Variants in PTPRA observed in about 807,000 individuals in gnomAD.
The protein encoded by PTPRA is receptor-type tyrosine-protein phosphatase alpha.
Under a neutral mutation model 104.8 loss-of-function variants are expected in PTPRA, and 25 were observed. The ratio of observed to expected loss-of-function variants is 0.24; its 90% CI spans 0.17 to 0.33. The LOEUF is 0.33. PTPRA is among the 10% of genes least tolerant of loss of function. The pLI, the probability that PTPRA is intolerant of heterozygous loss-of-function variation, is 1.00. For missense variants in PTPRA, 765 were observed against 1,015.3 expected, an observed-to-expected ratio of 0.75 and a Z score of 3.35; for synonymous variants, 323 against 368.9, an observed-to-expected ratio of 0.88 and a Z score of 1.43.
At chr20:2,866,171 G>A in the PTPRA span, 18 of 1,572,834 alleles carry the variant, frequency 1.1e-5, no homozygotes, top group Non-Finnish European at 1.5e-5. Flanking sequence ...CAGGAGGGCT[G>A]TGCATTACCT....
intron 1 of PTPRA, among the ~76,000 whole-genome samples, chr20:2,919,586 C>G (rs577687096): frequency 6.6e-6 from 1 of 152,272 alleles, no homozygotes; most frequent in South Asian, 2.1e-4. Context: ...CCCTGCCACC[C>G]AGGCTGGAGT....
At chr20:2,902,186 A>G (rs749968021) in intron 1 of PTPRA, among the ~76,000 whole-genome samples, 68 of 152,082 alleles carry the variant, frequency 4.5e-4, no homozygotes, top group South Asian at 1.0e-3. Flanking sequence ...CGCCTGGCCA[A>G]TTGTGATTTT....
At chr20:2,988,503 A>G in intron 9 of PTPRA, 29 bp downstream of exon 9, 1 of 1,607,420 alleles carries the variant, frequency 6.2e-7, no homozygotes, top group East Asian at 2.2e-5. Context: ...CTGGTGTATC[A>G]GCAGGGAAGA....
chr20:3,013,469 G>A (rs1485537391), intron 11 of PTPRA, among the ~76,000 whole-genome samples: 1 of 151,092 alleles, frequency 6.6e-6, no homozygotes, highest in Non-Finnish European at 1.5e-5. Flanking sequence ...CCAGGCTGGA[G>A]TGCAATGGCG....
intron 1 of PTPRA, among the ~76,000 whole-genome samples, chr20:2,918,668 A>G (rs549560633): frequency 5.9e-5 from 9 of 152,366 alleles, no homozygotes; most frequent in Non-Finnish European, 1.0e-4. Context: ...ACATTGCACC[A>G]TACTTAGGAA....
intron 2 of PTPRA, among the ~76,000 whole-genome samples, chr20:2,930,567 T>C (rs2060468770): frequency 6.6e-6 from 1 of 152,132 alleles, no homozygotes; most frequent in Non-Finnish European, 1.5e-5. Flanking sequence ...GTTGGTTCCT[T>C]CTTGGGGGGA....
intron 1 of PTPRA, among the ~76,000 whole-genome samples, chr20:2,894,988 C>CAA (rs58817434): frequency 9.6e-4 from 100 of 104,450 alleles, no homozygotes; most frequent in East Asian, 8.1e-3. Flanking sequence ...CTCCTTCACC[C>CAA]AAAAAAAAAA....
intron 5 of PTPRA, among the ~76,000 whole-genome samples, chr20:2,968,507 T>TTTTTTTTTTTTCTCAAA (rs759599927): frequency 6.9e-6 from 1 of 145,184 alleles, no homozygotes; most frequent in African/African-American, 2.7e-5. Flanking sequence ...CTTTTTTTTT[T>TTTTTTTTTTTTCTCAAA]TTCTCAAATT....
intron 2 of PTPRA, among the ~76,000 whole-genome samples, chr20:2,945,240 T>C (rs559735218): frequency 6.6e-6 from 1 of 152,348 alleles, no homozygotes; most frequent in South Asian, 2.1e-4. Context: ...ACTGTTCTTC[T>C]TGTCTGTTTC....
chr20:2,868,573 A>G (rs960536105), upstream of PTPRA, among the ~76,000 whole-genome samples: 4 of 148,376 alleles, frequency 2.7e-5, no homozygotes, highest in South Asian at 2.1e-4. Flanking sequence ...ATCAGCAGAC[A>G]AGAGGAAAGG....
At chr20:3,019,153 G>C (rs2064678636) in intron 13 of PTPRA, among the ~76,000 whole-genome samples, 3 of 146,076 alleles carry the variant, frequency 2.1e-5, no homozygotes, top group African/African-American at 7.7e-5. Context: ...CGGGCGGGGG[G>C]CTGATCCCCC....
chr20:2,982,496 T>C (rs552953462), intron 6 of PTPRA, among the ~76,000 whole-genome samples: 3 of 152,298 alleles, frequency 2.0e-5, no homozygotes, highest in African/African-American at 7.2e-5. Context: ...GTGCCTGTTA[T>C]GTGTGAGACC....
intron 6 of PTPRA, among the ~76,000 whole-genome samples, chr20:2,986,253 C>G (rs1377933801): frequency 6.6e-6 from 1 of 152,156 alleles, no homozygotes; most frequent in Non-Finnish European, 1.5e-5. Context: ...GCCCGGAAAC[C>G]ATTTGGGTTT....
intron 5 of PTPRA, among the ~76,000 whole-genome samples, chr20:2,973,339 T>C (rs1298093857): frequency 6.6e-6 from 1 of 152,230 alleles, no homozygotes; most frequent in Non-Finnish European, 1.5e-5. Context: ...TTCTTTCCAG[T>C]TAATTAACAT....
chr20:2,956,661 AAAATAAATAAAT>A (rs3055404), intron 3 of PTPRA, among the ~76,000 whole-genome samples: 5,931 of 150,414 alleles, frequency 0.039, 377 homozygotes, highest in African/African-American at 0.13. Context: ...TCAGTAAATA[AAAATAAATAAAT>A]AAATAAATAA....
intron 17 of PTPRA, among the ~76,000 whole-genome samples, chr20:3,025,141 G>T (rs1426590660): frequency 1.3e-5 from 2 of 152,214 alleles, no homozygotes; most frequent in Non-Finnish European, 2.9e-5. Context: ...TAAGGCATAT[G>T]TCACACTGTC....
Position 3,037,144 on chromosome 20 carries a change from T to A in PTPRA, c.2199-10T>A. 6.2e-7 allele frequency: 1 copy of A among 1,613,418 alleles called. No homozygotes were observed. Among genetic ancestry groups the A allele is most frequent in the Non-Finnish European group, 8.5e-7 (1 of 1,179,590 alleles). On this transcript the variant is annotated splice_polypyrimidine_tract_variant and intron_variant, in intron 22 of 23. Transcript: ENST00000399903. The surrounding 1 kb of genome is among the most constrained non-coding windows in gnomAD (Gnocchi z 4.3). ...TCACAGGTGTGGTAAATGTGTCTGC[T>A]CTGTTGCAGCGCCGGGGCAGGAAGG...
intron 1 of PTPRA, among the ~76,000 whole-genome samples, chr20:2,889,387 C>T (rs1416720657): frequency 6.6e-6 from 1 of 152,146 alleles, no homozygotes; most frequent in Non-Finnish European, 1.5e-5. Context: ...CACAGTCAGT[C>T]CTTGACAGGT....
chr20:2,957,458 C>G (rs2061578820), intron 3 of PTPRA, among the ~76,000 whole-genome samples: 1 of 152,270 alleles, frequency 6.6e-6, no homozygotes, highest in Non-Finnish European at 1.5e-5. Flanking sequence ...AATGGTGGAA[C>G]AAGAAGCCAG....
Sources: allele counts gnomAD v4.1 joint callset (sites outside exome capture counted in the v4.1 genomes callset), GRCh38; gene constraint gnomAD v4.1.1; non-coding constraint Gnocchi (gnomAD v3.1); transcripts MANE v1.5; gene names NCBI Gene and HGNC (gene_info 2026-07-23, HGNC 2026-07-21).